Variants in NAALADL2 observed in about 807,000 individuals in gnomAD.
NAALADL2 encodes inactive N-acetylated-alpha-linked acidic dipeptidase-like protein 2.
In NAALADL2, 76 loss-of-function variants were observed where a neutral mutation model predicts 87.2. The observed-to-expected ratio is 0.87, with a 90% confidence interval of 0.72 to 1.05. The LOEUF is 1.05. Among genes scored for constraint, NAALADL2 ranks in the 50% least tolerant of loss-of-function variants. The pLI, the probability that NAALADL2 is intolerant of heterozygous loss-of-function variation, is 0.00. For missense variants in NAALADL2, 1,089 were observed against 945.8 expected (o/e 1.15, Z -1.99); for synonymous variants, 354 against 331.0 (o/e 1.07, Z -0.75).
At chr3:174,864,170 G>T (rs1479606448) in intron 1 of NAALADL2, 1 of 408,808 alleles carries the variant, frequency 2.4e-6, no homozygotes, top group Non-Finnish European at 4.9e-6. Context: ...TACAAGAGAG[G>T]GTCTTTGCAG....
At chr3:174,984,783 G>A (rs748170775) in intron 1 of NAALADL2, among the ~76,000 whole-genome samples, 4 of 152,104 alleles carry the variant, frequency 2.6e-5, no homozygotes, top group African/African-American at 4.8e-5. Flanking sequence ...ACAATTGAAG[G>A]GAGAAGATAG....
chr3:175,718,297 G>A (rs1296500737), intron 11 of NAALADL2: 31 of 1,436,132 alleles, frequency 2.2e-5, no homozygotes, highest in East Asian at 9.9e-5. Flanking sequence ...GTTAGGCGCC[G>A]AAGCTCTTGC....
At chr3:174,993,282 A>C (rs1214882954) in intron 1 of NAALADL2, among the ~76,000 whole-genome samples, 1 of 152,132 alleles carries the variant, frequency 6.6e-6, no homozygotes, top group Admixed American at 6.6e-5. Context: ...ATGAGGATTT[A>C]TAATTGGAAA....
At chr3:175,560,228 C>T (rs187119078) in intron 9 of NAALADL2, among the ~76,000 whole-genome samples, 5 of 152,248 alleles carry the variant, frequency 3.3e-5, no homozygotes, top group African/African-American at 4.8e-5. Flanking sequence ...CGTAGTTGAT[C>T]ATAGTAGCCA....
chr3:175,314,697 T>A (rs1482660901), intron 4 of NAALADL2, among the ~76,000 whole-genome samples: 9 of 69,422 alleles, frequency 1.3e-4, no homozygotes, highest in African/African-American at 5.9e-4. Flanking sequence ...TATATATATA[T>A]ATATATATAT....
At chr3:175,365,936 T>G (rs2148924795) in intron 5 of NAALADL2, among the ~76,000 whole-genome samples, 1 of 144,480 alleles carries the variant, frequency 6.9e-6, no homozygotes, top group Non-Finnish European at 1.5e-5. Context: ...TAGTTACATA[T>G]GTATACATGT....
At chr3:175,092,221 T>C (rs1435608783) in intron 1 of NAALADL2, among the ~76,000 whole-genome samples, 1 of 151,916 alleles carries the variant, frequency 6.6e-6, no homozygotes, top group Non-Finnish European at 1.5e-5. Flanking sequence ...AGCATAAGTA[T>C]TATGCATAAT....
chr3:174,776,821 A>C (rs1423115580), intron 3 of NAALADL2, among the ~76,000 whole-genome samples: 1 of 152,172 alleles, frequency 6.6e-6, no homozygotes, highest in Non-Finnish European at 1.5e-5. Flanking sequence ...ATTGCTCACC[A>C]TGCATGACAA....
rs1019668305 is a variant in NAALADL2 at position 174,947,467 on chromosome 3, A to T, written c.43+88017A>T. Among the ~76,000 whole-genome samples the T allele has an allele frequency of 2.0e-5, 3 of 152,222 alleles. No homozygotes were observed. The South Asian group carries it at 6.2e-4, about 32-fold the overall frequency. On this transcript the variant is annotated intron_variant, in intron 1 of 13. Transcript: ENST00000454872. ...TTAACAGTTCCTTCCTTAAGTGCTG[A>T]CCATGGTTAGGAATGGTAGTATTGT...
intron 9 of NAALADL2, among the ~76,000 whole-genome samples, chr3:175,545,395 A>G (rs183446499): frequency 4.7e-4 from 71 of 152,250 alleles, no homozygotes; most frequent in African/African-American, 1.5e-3. Context: ...ACTGACACCA[A>G]TGAATACCAC....
chr3:174,686,646 C>T (rs757435781), intron 2 of NAALADL2, among the ~76,000 whole-genome samples: 1 of 151,984 alleles, frequency 6.6e-6, no homozygotes, highest in African/African-American at 2.4e-5. Flanking sequence ...TGCACCCCTA[C>T]AACTATGTGA....
chr3:174,894,406 C>A (rs1172987252), intron 1 of NAALADL2, among the ~76,000 whole-genome samples: 1 of 151,614 alleles, frequency 6.6e-6, no homozygotes, highest in African/African-American at 2.4e-5. Context: ...GCCTGGCCAA[C>A]ATGGAGAAAC....
rs1721049023 is a variant in NAALADL2, at chr3:174,818,538, C to A, written c.-9+80792C>A. Among the ~76,000 whole-genome samples, 3 of 152,064 alleles carry A rather than the reference C, an allele frequency of 2.0e-5. No individual in the cohort carries two copies. The South Asian group carries it at 6.2e-4, about 32-fold the overall frequency. On this transcript the variant is annotated intron_variant, in intron 3 of 3. Coordinates refer to the NAALADL2 transcript ENST00000434257. ...TAAAAATAACACTGCATATACTTAA[C>A]ATAAAGTAAAACACATACCAGGAAA...
intron 3 of NAALADL2, among the ~76,000 whole-genome samples, chr3:174,782,406 TTAA>T (rs1393243871): frequency 6.6e-6 from 1 of 152,122 alleles, no homozygotes; most frequent in Non-Finnish European, 1.5e-5. Context: ...ATGGGCATTA[TTAA>T]TAATAATCTA....
Position 175,769,826 on chromosome 3 carries a change from G to C in NAALADL2, c.2189+14408G>C, listed in dbSNP as rs557202346. Among the ~76,000 whole-genome samples, 40 of 152,164 alleles carry C rather than the reference G, an allele frequency of 2.6e-4. 1 individual carries two copies. In the South Asian group the frequency reaches 7.9e-3, roughly 30 times the overall value. On this transcript the variant is annotated intron_variant, in intron 13 of 13. Coordinates refer to ENST00000454872, the MANE Select transcript of NAALADL2 (RefSeq NM_207015.3). ...GGAGGTTGGCAAGTCTGAAATCTGT[G>C]GACAATGAAGGCTGACAGCTCAGGG...
chr3:175,270,277 C>T (rs1238834236), intron 4 of NAALADL2, among the ~76,000 whole-genome samples: 1 of 152,118 alleles, frequency 6.6e-6, no homozygotes, highest in Non-Finnish European at 1.5e-5. Context: ...TTCAGACTCA[C>T]CAATTTAGCT....
At chr3:174,759,484 C>CACAAG (rs1712607140) in intron 3 of NAALADL2, among the ~76,000 whole-genome samples, 1 of 152,120 alleles carries the variant, frequency 6.6e-6, no homozygotes, top group Non-Finnish European at 1.5e-5. Context: ...CTGCTTAAAG[C>CACAAG]ATTTTTGTTA....
intron 1 of NAALADL2, among the ~76,000 whole-genome samples, chr3:175,080,053 C>T (rs1717466606): frequency 6.6e-6 from 1 of 152,112 alleles, no homozygotes; most frequent in East Asian, 1.9e-4. Flanking sequence ...GCAAGCTCCG[C>T]CTCCCGGGTT....
intron 3 of NAALADL2, among the ~76,000 whole-genome samples, chr3:174,796,365 C>T (rs1041114432): frequency 3.3e-5 from 5 of 152,098 alleles, no homozygotes; most frequent in African/African-American, 9.7e-5. Context: ...CATCATACCA[C>T]CCCTCCCAAA....
Sources: allele counts gnomAD v4.1 joint callset (sites outside exome capture counted in the v4.1 genomes callset), GRCh38; gene constraint gnomAD v4.1.1; transcripts MANE v1.5; gene names NCBI Gene and HGNC (gene_info 2026-07-23, HGNC 2026-07-21).